Variants in CCDC88C observed in about 807,000 individuals in gnomAD.
CCDC88C encodes the protein protein Daple.
CCDC88C carries 131 observed loss-of-function variants against 198.8 expected under a neutral mutation model. The ratio of observed to expected loss-of-function variants is 0.66; its 90% CI spans 0.57 to 0.76. CCDC88C has a LOEUF of 0.76. Ranked by LOEUF, CCDC88C falls within the 30% of genes least tolerant of loss-of-function variation. The pLI, the probability that CCDC88C is intolerant of heterozygous loss-of-function variation, is 0.00. For synonymous variants in CCDC88C, 1,166 were observed against 1,114.7 expected, an observed-to-expected ratio of 1.05 and a Z score of -0.92; for missense variants, 2,553 against 2,631.6, an observed-to-expected ratio of 0.97 and a Z score of 0.65.
chr14:91,285,309 C>A, intron 25 of CCDC88C: 1 of 366,988 alleles, frequency 2.7e-6, no homozygotes, highest in Middle Eastern at 3.8e-4. Context: ...AGTGCAGCAA[C>A]CACCCGCCAG....
In CCDC88C at chr14:91,340,013, G is replaced by A; in HGVS notation, c.495C>T (p.Asn165=). 2 of 1,609,554 alleles carry A rather than the reference G, an allele frequency of 1.2e-6. No individual in the cohort carries two copies. The highest frequency in any genetic ancestry group is 1.7e-5 in the Admixed American group (1 of 59,518). Reference sequence around the variant, plus strand: ...ACTGCAGGTCAAACACGTTCTCTTGGTTGTGAGTCACCTGTGGGCACACAT... The same window carrying A: ...ACTGCAGGTCAAACACGTTCTCTTGATTGTGAGTCACCTGTGGGCACACAT... ...IVAHIQEVTH[N]QENVFDLQWL... is the part of the protein sequence containing the mutation. Residue 165 remains asparagine (N), a synonymous_variant, in exon 7 of 30, where the codon AAC becomes AAT. Coordinates refer to ENST00000389857, the MANE Select transcript of CCDC88C (RefSeq NM_001080414.4).
chr14:91,321,195 G>A lies in CCDC88C; in HGVS notation c.1452C>T (p.Asp484=), dbSNP rs746149482. The A allele has an allele frequency of 1.1e-5, 17 of 1,612,220 alleles. No individual in the cohort carries two copies. Among genetic ancestry groups the A allele is most frequent in the South Asian group, 8.8e-5 (8 of 90,564 alleles). Residue 484 remains aspartate, a synonymous_variant, in exon 13 of 30, where the codon GAC becomes GAT. Transcript: ENST00000389857. ...CGCTCTCCTCCAACACCAGGGACGC[G>A]TCCCGCAGCCCCTGGATGGTGCTCT... is the stretch of plus-strand genomic sequence containing the variant. ...SLQSTIQGLR[D]ASLVLEESGL...
intron 23 of CCDC88C, 151 bp downstream of exon 23, chr14:91,294,022 C>A: frequency 1.3e-6 from 1 of 783,874 alleles, no homozygotes; most frequent in Non-Finnish European, 2.1e-6. Context: ...AAACTAAGGG[C>A]AGTCCGTGCT....
At chr14:91,324,986 C>T (rs1268368841) in intron 11 of CCDC88C, 63 bp from the exon 12 acceptor site, 3 of 1,601,430 alleles carry the variant, frequency 1.9e-6, no homozygotes, top group Non-Finnish European at 2.6e-6. Context: ...CTGGACAAGC[C>T]TCAGCCCCTG....
intron 22 of CCDC88C, among the ~76,000 whole-genome samples, chr14:91,295,921 A>G (rs1049307913): frequency 6.6e-5 from 10 of 152,306 alleles, no homozygotes; most frequent in African/African-American, 2.4e-4. Flanking sequence ...AAGAAAAGGA[A>G]ATCTCGACAC....
intron 27 of CCDC88C, among the ~76,000 whole-genome samples, chr14:91,280,160 T>C (rs17723710): frequency 0.019 from 2,836 of 152,256 alleles, 43 homozygotes; most frequent in Middle Eastern, 0.024. Context: ...TGAACCCCCG[T>C]GGCAGGGATG....
chr14:91,405,374 C>T (rs1231583873), intron 3 of CCDC88C, among the ~76,000 whole-genome samples: 7 of 152,176 alleles, frequency 4.6e-5, no homozygotes, highest in East Asian at 3.8e-4. Flanking sequence ...GGCCCGCCCA[C>T]GCAGCACCCC....
Position 91,313,230 on chromosome 14 carries a change from C to T in CCDC88C, c.2586G>A (p.Leu862=), listed in dbSNP as rs1433300592. ...DAVLDDSTAK[L]SAVEKESRAL... ...CGCGGCTCTCCTTCTCAACGGCGGA[C>T]AGTTTGGCAGTGCTATCGTCCAAGA... Residue 862 remains leucine, a synonymous_variant, in exon 15 of 30, where the codon CTG becomes CTA. Coordinates refer to ENST00000389857, the MANE Select transcript of CCDC88C (RefSeq NM_001080414.4). The surrounding 1 kb of genome is among the most constrained non-coding windows in gnomAD (Gnocchi z 5.2). The T allele has an allele frequency of 1.2e-6, 2 of 1,614,002 alleles. No homozygotes were observed. The highest frequency in any genetic ancestry group is 3.3e-5 in the Admixed American group (2 of 60,028).
chr14:91,352,987 G>A lies in CCDC88C; in HGVS notation c.340+6655C>T, dbSNP rs368459392. On this transcript the variant is annotated intron_variant, in intron 4 of 29. Transcript: ENST00000389857. This position sits in a 1 kb window ranked among gnomAD's most constrained non-coding sequence, Gnocchi z 4.2. ...CCCTCACAAGTTCCCCGGGGCCCCC[G>A]AAGGAAGGCAGGGCTGTGCCGTGTG... Among the ~76,000 whole-genome samples, 80 of 152,336 alleles carry A rather than the reference G, an allele frequency of 5.3e-4. No individual in the cohort carries two copies. The highest frequency in any genetic ancestry group is 1.5e-3 in the East Asian group (8 of 5,184).
At chr14:91,340,611 C>T (rs1453571195) in intron 6 of CCDC88C, among the ~76,000 whole-genome samples, 1 of 152,072 alleles carries the variant, frequency 6.6e-6, no homozygotes, top group Non-Finnish European at 1.5e-5. Flanking sequence ...AGCCTCTCGA[C>T]GCACACCCCC....
At position 91,326,074 on chromosome 14, in the gene CCDC88C, A is replaced by G; in HGVS notation, c.1051-18T>C. The G allele has an allele frequency of 6.2e-7, 1 of 1,604,528 alleles. No individual in the cohort carries two copies. The highest frequency in any genetic ancestry group is 8.5e-7 in the Non-Finnish European group (1 of 1,175,532). On this transcript the variant is annotated intron_variant, in intron 10 of 29. Coordinates refer to ENST00000389857, the MANE Select transcript of CCDC88C (RefSeq NM_001080414.4). ...CTCAGCTCCTGGTTAGCAAAAACATACATGAGAACCATCAGATAAAGGCAC... is the reference window on the plus strand; with the variant it reads ...CTCAGCTCCTGGTTAGCAAAAACATGCATGAGAACCATCAGATAAAGGCAC...
intron 20 of CCDC88C, among the ~76,000 whole-genome samples, chr14:91,303,036 T>C (rs1319741100): frequency 6.6e-6 from 1 of 152,168 alleles, no homozygotes; most frequent in East Asian, 1.9e-4. Flanking sequence ...AAGGTAACGT[T>C]TATTTCCTTC....
chr14:91,341,474 G>A (rs1020828289), intron 6 of CCDC88C, among the ~76,000 whole-genome samples: 42 of 152,246 alleles, frequency 2.8e-4, no homozygotes, highest in Admixed American at 3.9e-4. Flanking sequence ...CCAGCCAGCT[G>A]TGGAAGCTGG....
At position 91,301,742 on chromosome 14, in the gene CCDC88C, CAA is replaced by C. The variant is rs1384203909; in HGVS notation, c.3636-1674_3636-1673del. Among the ~76,000 whole-genome samples, 7 of 152,302 alleles carry C rather than the reference CAA, an allele frequency of 4.6e-5. No individual in the cohort carries two copies. The East Asian group carries it at 9.7e-4, about 21-fold the overall frequency. ...AAAATAAAGAAAGAAGGAAAGAATA[CAA>C]TACAGCATTATTTAATACGACATAA... On this transcript the variant is annotated intron_variant, in intron 20 of 29. Coordinates refer to ENST00000389857, the MANE Select transcript of CCDC88C (RefSeq NM_001080414.4).
At chr14:91,324,993 C>G (rs1484051095) in intron 11 of CCDC88C, 70 bp from the exon 12 acceptor site, 2 of 1,582,306 alleles carry the variant, frequency 1.3e-6, no homozygotes, top group Admixed American at 3.4e-5. Flanking sequence ...AGCCTCAGCC[C>G]CTGTATAGCT....
At chr14:91,303,656 T>C (rs1483296395) in intron 20 of CCDC88C, 45 bp downstream of exon 20, 1 of 1,502,756 alleles carries the variant, frequency 6.7e-7, no homozygotes, top group Non-Finnish European at 8.9e-7. Context: ...GCCTCTCCTC[T>C]GGACTCTACC....
chr14:91,272,651 C>T lies in CCDC88C; in HGVS notation c.6061G>A (p.Val2021Met), dbSNP rs749955208. The change falls in exon 30 of 30, where the codon GTG (valine) becomes ATG (methionine). Residue 2021 changes from valine (V) to methionine (M), a missense_variant. Physicochemically the swap from Val to Met is conservative, Grantham distance 21. This residue lies in a region of CCDC88C where 1,293 missense variants were observed against 1,219.6 expected (regional missense o/e 1.06). Transcript: ENST00000389857. Reference protein sequence around the residue: ...SPEPGGDPQTVWYEYGCV With the variant: ...SPEPGGDPQTMWYEYGCV ...CACACACAGCCGTACTCATACCACA[C>T]GGTCTGCGGATCCCCGCCGGGCTCC... 76 of 1,611,028 alleles carry T rather than the reference C, an allele frequency of 4.7e-5. No homozygotes were observed. Among genetic ancestry groups the T allele is most frequent in the Non-Finnish European group, 5.8e-5 (69 of 1,179,858 alleles).
At position 91,283,677 on chromosome 14, in the gene CCDC88C, C is replaced by T. The variant is rs141037411; in HGVS notation, c.4442-160G>A. 6.6e-3 allele frequency: 4,505 copies of T among 682,414 alleles called. 21 individuals are homozygous for T. The highest frequency in any genetic ancestry group is 8.3e-3 in the Admixed American group (293 of 35,352). The allele number at this position is 682,414 out of a possible 1,614,324, so 42.3% of individuals were successfully genotyped here. A position where few individuals can be genotyped will look rare whatever the true frequency, so the allele number is the denominator to read the frequency against. ...GGGCTGCAACTTAAATGGGGCCTGG[C>T]GGGGCAGGTGGGGGCAAGAGGGCTT... On this transcript the variant is annotated intron_variant, in intron 25 of 29. Transcript: ENST00000389857.
chr14:91,372,707 G>A (rs1424038219), intron 3 of CCDC88C, among the ~76,000 whole-genome samples: 2 of 152,126 alleles, frequency 1.3e-5, no homozygotes, highest in Admixed American at 6.5e-5. Flanking sequence ...ACCCAGCCCT[G>A]TCTGCACGTT....
Sources: allele counts gnomAD v4.1 joint callset (sites outside exome capture counted in the v4.1 genomes callset), GRCh38; gene constraint gnomAD v4.1.1; regional missense constraint gnomAD v4.1.1; non-coding constraint Gnocchi (gnomAD v3.1); transcripts MANE v1.5; gene names NCBI Gene and HGNC (gene_info 2026-07-23, HGNC 2026-07-21).